ADGRG6: variants seen among roughly 807,000 people sequenced by gnomAD.
ADGRG6 encodes G-protein coupled receptor 126.
A neutral mutation model predicts 142.4 loss-of-function variants in ADGRG6; 84 were observed. That is an observed-to-expected ratio of 0.59 (90% CI 0.49 to 0.71). The LOEUF is 0.71. ADGRG6 is among the 30% of genes least tolerant of loss of function. The probability of loss-of-function intolerance (pLI) is 0.00; values close to 1 mark genes in which losing one functional copy is unlikely to be tolerated. For synonymous variants in ADGRG6, 521 were observed against 520.5 expected, an observed-to-expected ratio of 1.00 and a Z score of -0.01; for missense variants, 1,367 against 1,466.6, an observed-to-expected ratio of 0.93 and a Z score of 1.11.
chr6:142,322,008 C>A (rs1038195315), intron 2 of ADGRG6, among the ~76,000 whole-genome samples: 5 of 152,090 alleles, frequency 3.3e-5, no homozygotes, highest in African/African-American at 9.7e-5. Flanking sequence ...AGTATTTTGG[C>A]TGGAAAATAT....
chr6:142,400,484 G>T lies in ADGRG6; in HGVS notation c.1568-1G>T, dbSNP rs1775454404. 1.4e-6 allele frequency: 2 copies of T among 1,399,294 alleles called. No individual in the cohort carries two copies. The highest frequency in any genetic ancestry group is 2.0e-6 in the Non-Finnish European group (2 of 985,128). The allele number at this position is 1,399,294 out of a possible 1,614,324, so 86.7% of individuals were successfully genotyped here. On this transcript the variant is annotated splice_acceptor_variant, in intron 10 of 24. Transcript: ENST00000367609. LOFTEE classifies it high-confidence loss of function. ...TCATGCTGGTTCTTATGTTCATATAGGTCATTGTCTTGCCATGGAGGAACC... is the reference window on the plus strand; with the variant it reads ...TCATGCTGGTTCTTATGTTCATATATGTCATTGTCTTGCCATGGAGGAACC...
chr6:142,353,220 C>A (rs909878858), intron 2 of ADGRG6, among the ~76,000 whole-genome samples: 5 of 152,164 alleles, frequency 3.3e-5, no homozygotes, highest in African/African-American at 1.2e-4. Context: ...AAGCTAAAGG[C>A]TCCCACCCAA....
intron 22 of ADGRG6, among the ~76,000 whole-genome samples, chr6:142,433,226 C>T (rs780257070): frequency 2.8e-4 from 43 of 152,322 alleles, no homozygotes; most frequent in Non-Finnish European, 5.4e-4. Context: ...GAGCTGCAGC[C>T]TCCGTCATCT....
At chr6:142,314,755 C>T (rs1267272733) in intron 2 of ADGRG6, among the ~76,000 whole-genome samples, 1 of 152,154 alleles carries the variant, frequency 6.6e-6, no homozygotes, top group Non-Finnish European at 1.5e-5. Context: ...GAAGTGATAA[C>T]AGACTTCTTC....
intron 2 of ADGRG6, among the ~76,000 whole-genome samples, chr6:142,336,846 A>G (rs1779340643): frequency 6.6e-6 from 1 of 152,224 alleles, no homozygotes; most frequent in Admixed American, 6.5e-5. Flanking sequence ...CTGAAGTGAG[A>G]AATGGCCCTG....
intron 2 of ADGRG6, among the ~76,000 whole-genome samples, chr6:142,332,824 T>A (rs1017511604): frequency 9.2e-5 from 14 of 152,178 alleles, no homozygotes; most frequent in Non-Finnish European, 1.9e-4. Flanking sequence ...GGCTGAAGGA[T>A]CGTGGCAGTA....
At chr6:142,315,005 T>TGTG (rs1554229843) in intron 2 of ADGRG6, among the ~76,000 whole-genome samples, 2 of 150,658 alleles carry the variant, frequency 1.3e-5, no homozygotes, top group African/African-American at 2.5e-5. Flanking sequence ...TGTGTGTGTG[T>TGTG]TATACAGTCT....
intron 2 of ADGRG6, among the ~76,000 whole-genome samples, chr6:142,360,635 ATTTTCTTTTC>A (rs1234891308): frequency 6.6e-6 from 1 of 151,696 alleles, no homozygotes; most frequent in African/African-American, 2.4e-5. Context: ...TGTGCTCTAC[ATTTTCTTTTC>A]TTTTCTTTTA....
At chr6:142,400,047 T>C (rs1644925657) in intron 10 of ADGRG6, among the ~76,000 whole-genome samples, 1 of 152,172 alleles carries the variant, frequency 6.6e-6, no homozygotes, top group Admixed American at 6.6e-5. Context: ...TTCTATAAAA[T>C]AGCCACACAA....
Position 142,307,974 on chromosome 6 carries a change from A to G in ADGRG6, c.3-1570A>G, listed in dbSNP as rs1279790592. On this transcript the variant is annotated intron_variant, in intron 1 of 24. Coordinates refer to ENST00000367609, the MANE Select transcript of ADGRG6 (RefSeq NM_198569.3). Reference sequence around the variant, plus strand: ...TTATTCATAGCAAACATGAATAACCAATTTCATTTCTGGCCCAGGTGATCC... The same window carrying G: ...TTATTCATAGCAAACATGAATAACCGATTTCATTTCTGGCCCAGGTGATCC... 4.6e-5 allele frequency among the ~76,000 whole-genome samples: 7 copies of G among 151,968 alleles called. No individual in the cohort carries two copies. The South Asian group carries it at 1.2e-3, about 27-fold the overall frequency.
intron 2 of ADGRG6, among the ~76,000 whole-genome samples, chr6:142,355,799 C>A (rs185277404): frequency 1.2e-3 from 178 of 152,172 alleles, no homozygotes; most frequent in African/African-American, 4.1e-3. Context: ...AGCTACTCTG[C>A]CATTTTTCTG....
At chr6:142,426,190 G>A (rs986543336) in intron 22 of ADGRG6, among the ~76,000 whole-genome samples, 1 of 152,136 alleles carries the variant, frequency 6.6e-6, no homozygotes, top group Non-Finnish European at 1.5e-5. Flanking sequence ...ACAGTCCTAC[G>A]TCTCATCTGA....
rs989522828 is a variant in ADGRG6, at chr6:142,383,878, T to C, written c.1222+35T>C. 4 of 1,046,004 alleles carry C rather than the reference T, an allele frequency of 3.8e-6. No individual in the cohort carries two copies. In the African/African-American group the frequency reaches 4.7e-5, roughly 12 times the overall value. The allele number at this position is 1,046,004 out of a possible 1,614,324, so 64.8% of individuals were successfully genotyped here. A position where few individuals can be genotyped will look rare whatever the true frequency, so the allele number is the denominator to read the frequency against. ...CATTACCTTTTATATTTTTAGTATG[T>C]CTAACATAAAAAATTGTATTCTAAG... is the stretch of plus-strand genomic sequence containing the variant. On this transcript the variant is annotated intron_variant, in intron 6 of 24. Coordinates refer to ENST00000367609, the MANE Select transcript of ADGRG6 (RefSeq NM_198569.3).
At position 142,302,140 on chromosome 6, in the gene ADGRG6, C is replaced by G; in HGVS notation, c.-190C>G. ...CCGCAGGCCCTGCGCTGAACGCTGC[C>G]GCGCCCAGGGTTCACCTTGCGCCGT... On this transcript the variant is annotated 5_prime_UTR_variant, in exon 1 of 25. Coordinates refer to ENST00000367609, the MANE Select transcript of ADGRG6 (RefSeq NM_198569.3). The G allele has an allele frequency of 1.6e-6, 1 of 606,846 alleles. No individual in the cohort carries two copies. Among genetic ancestry groups the G allele is most frequent in the East Asian group, 3.0e-5 (1 of 33,830 alleles). The allele number at this position is 606,846 out of a possible 1,614,324, so 37.6% of individuals were successfully genotyped here.
intron 9 of ADGRG6, among the ~76,000 whole-genome samples, chr6:142,394,834 G>A (rs1327699003): frequency 6.7e-6 from 1 of 150,172 alleles, no homozygotes; most frequent in Non-Finnish European, 1.5e-5. Context: ...TAAACCTCCT[G>A]TCTCAGCCCC....
At chr6:142,432,649 A>C (rs1386263167) in intron 22 of ADGRG6, among the ~76,000 whole-genome samples, 2 of 152,214 alleles carry the variant, frequency 1.3e-5, no homozygotes, top group Non-Finnish European at 2.9e-5. Context: ...ATTTAATGTT[A>C]TATAATTATG....
intron 22 of ADGRG6, among the ~76,000 whole-genome samples, chr6:142,435,050 A>G (rs1165261950): frequency 6.6e-6 from 1 of 152,038 alleles, no homozygotes; most frequent in Non-Finnish European, 1.5e-5. Context: ...CACTTTTTCC[A>G]TTGTACAAGC....
At chr6:142,354,552 C>T (rs1479862782) in intron 2 of ADGRG6, among the ~76,000 whole-genome samples, 1 of 152,116 alleles carries the variant, frequency 6.6e-6, no homozygotes, top group African/African-American at 2.4e-5. Flanking sequence ...GTGATACCTA[C>T]ATTTCTTATT....
chr6:142,333,501 C>T (rs992746560), intron 2 of ADGRG6, among the ~76,000 whole-genome samples: 1 of 152,160 alleles, frequency 6.6e-6, no homozygotes, highest in African/African-American at 2.4e-5. Flanking sequence ...GATGTAATCT[C>T]ACTTTCATCA....
Sources: allele counts gnomAD v4.1 joint callset (sites outside exome capture counted in the v4.1 genomes callset), GRCh38; gene constraint gnomAD v4.1.1; transcripts MANE v1.5; gene names NCBI Gene and HGNC (gene_info 2026-07-23, HGNC 2026-07-21).